DLG2: variants seen among roughly 807,000 people sequenced by gnomAD.
DLG2 encodes the protein discs large MAGUK scaffold protein 2.
Under a neutral mutation model 132.5 loss-of-function variants are expected in DLG2, and 45 were observed. The ratio of observed to expected loss-of-function variants is 0.34; its 90% CI spans 0.27 to 0.44. DLG2 has a LOEUF of 0.44. Ranked by LOEUF, DLG2 falls within the 20% of genes least tolerant of loss-of-function variation. The pLI, the probability that DLG2 is intolerant of heterozygous loss-of-function variation, is 1.00. For synonymous variants in DLG2, 424 were observed against 419.6 expected (o/e 1.01, Z -0.13); for missense variants, 1,045 against 1,196.9 (o/e 0.87, Z 1.87).
At chr11:84,621,840 G>C (rs930946757) in intron 6 of DLG2, among the ~76,000 whole-genome samples, 4 of 152,098 alleles carry the variant, frequency 2.6e-5, no homozygotes, top group Non-Finnish European at 5.9e-5. Flanking sequence ...AGGGTGGCAG[G>C]AGGGATTTAT....
intron 4 of DLG2, among the ~76,000 whole-genome samples, chr11:85,270,416 C>T (rs149205746): frequency 1.6e-4 from 24 of 152,250 alleles, no homozygotes; most frequent in African/African-American, 4.8e-4. Flanking sequence ...TTGTCAATTG[C>T]CCAGTGTCTG....
chr11:85,020,905 C>G, intron 6 of DLG2: 1 of 769,396 alleles, frequency 1.3e-6, no homozygotes, highest in Non-Finnish European at 2.4e-6. Flanking sequence ...GCATCCCCCT[C>G]CTCAGCAGGG....
At chr11:83,772,434 GA>G (rs1449619767) in intron 18 of DLG2, among the ~76,000 whole-genome samples, 2 of 75,888 alleles carry the variant, frequency 2.6e-5, no homozygotes, top group Non-Finnish European at 4.9e-5. Context: ...GAAAAGAAAA[GA>G]AAAAAAAAGA....
At chr11:84,772,432 T>A (rs930447990) in intron 6 of DLG2, among the ~76,000 whole-genome samples, 1 of 152,126 alleles carries the variant, frequency 6.6e-6, no homozygotes, top group Non-Finnish European at 1.5e-5. Flanking sequence ...AATTTGACAC[T>A]TGACAAGCTG....
chr11:84,853,320 A>G (rs2154023646), intron 6 of DLG2, among the ~76,000 whole-genome samples: 1 of 152,150 alleles, frequency 6.6e-6, no homozygotes, highest in African/African-American at 2.4e-5. Flanking sequence ...AAGAGATAAT[A>G]TAACGTGAAA....
intron 22 of DLG2, among the ~76,000 whole-genome samples, chr11:83,475,161 C>G (rs975719601): frequency 2.0e-5 from 3 of 152,080 alleles, no homozygotes; most frequent in Non-Finnish European, 2.9e-5. Flanking sequence ...GTGGGGAAAC[C>G]CGTGGAGGTG....
chr11:85,566,190 T>C (rs1472329555), intron 3 of DLG2, among the ~76,000 whole-genome samples: 8 of 152,198 alleles, frequency 5.3e-5, no homozygotes. Flanking sequence ...CAATTTTTAA[T>C]TGGGTTGTCT....
At chr11:85,266,621 A>C (rs1006383741) in intron 4 of DLG2, among the ~76,000 whole-genome samples, 2 of 152,176 alleles carry the variant, frequency 1.3e-5, no homozygotes, top group Admixed American at 6.5e-5. Flanking sequence ...AAAAAAAAAG[A>C]AAGAAAGAAA....
intron 4 of DLG2, among the ~76,000 whole-genome samples, chr11:85,224,166 T>C (rs2074834325): frequency 6.6e-6 from 1 of 152,144 alleles, no homozygotes; most frequent in South Asian, 2.1e-4. Context: ...TCTGAGATTA[T>C]TATGCTGCTA....
chr11:85,152,126 C>A (rs1427662191), intron 5 of DLG2, among the ~76,000 whole-genome samples: 1 of 151,990 alleles, frequency 6.6e-6, no homozygotes, highest in Non-Finnish European at 1.5e-5. Flanking sequence ...TATAAATATA[C>A]ACTATAGCCT....
intron 12 of DLG2, among the ~76,000 whole-genome samples, chr11:83,966,024 C>T (rs1009274203): frequency 2.2e-4 from 34 of 151,938 alleles, no homozygotes; most frequent in Non-Finnish European, 2.1e-4. Context: ...TTCTTACTAG[C>T]GCATGTTTAG....
rs149923177 is a variant in DLG2 at position 84,503,574 on chromosome 11, A to G, written c.519+30996T>C. 3.9e-3 allele frequency among the ~76,000 whole-genome samples: 590 copies of G among 152,270 alleles called. 3 individuals are homozygous for G. Among genetic ancestry groups the G allele is most frequent in the African/African-American group, 0.013 (543 of 41,542 alleles). On this transcript the variant is annotated intron_variant, in intron 7 of 27. Coordinates refer to ENST00000376104, the MANE Select transcript of DLG2 (RefSeq NM_001142699.3). ...GTGCCACAGACATTTTCATAGGAAC[A>G]GGTGAGTTGAGAGACCTCTGTGGCC...
rs138278275 is a variant in DLG2, at chr11:84,548,672, G to A, written c.358-13941C>T. ...ATATGTGCCACATTTTCTTAATCCC[G>A]TCTATCATTATTGGACATTTGGGTT... On this transcript the variant is annotated intron_variant, in intron 6 of 27. Coordinates refer to ENST00000376104, the MANE Select transcript of DLG2 (RefSeq NM_001142699.3). Among the ~76,000 whole-genome samples the A allele has an allele frequency of 7.2e-3, 1,100 of 152,102 alleles. 11 individuals carry two copies. The highest frequency in any genetic ancestry group is 0.01 in the Middle Eastern group (3 of 294).
intron 3 of DLG2, among the ~76,000 whole-genome samples, chr11:85,486,582 A>G (rs540983887): frequency 6.6e-6 from 1 of 152,276 alleles, no homozygotes; most frequent in Admixed American, 6.5e-5. Flanking sequence ...ATTTGAGGTC[A>G]GGCTGACCCA....
intron 17 of DLG2, among the ~76,000 whole-genome samples, chr11:83,811,690 T>A (rs1429171733): frequency 6.6e-6 from 1 of 152,118 alleles, no homozygotes; most frequent in African/African-American, 2.4e-5. Flanking sequence ...AATTTTAGCC[T>A]CAGGAAATGT....
chr11:85,335,009 T>A (rs991635021), intron 3 of DLG2, among the ~76,000 whole-genome samples: 1 of 152,170 alleles, frequency 6.6e-6, no homozygotes, highest in African/African-American at 2.4e-5. Context: ...TCTAATACTG[T>A]CAATGGGGTA....
chr11:85,148,557 G>A (rs575402103), intron 5 of DLG2, among the ~76,000 whole-genome samples: 1 of 152,028 alleles, frequency 6.6e-6, no homozygotes, highest in East Asian at 1.9e-4. Flanking sequence ...TCGTATTTTG[G>A]GAAGTGTCTG....
intron 6 of DLG2, among the ~76,000 whole-genome samples, chr11:84,637,218 C>T (rs998969813): frequency 1.3e-5 from 2 of 152,232 alleles, no homozygotes; most frequent in African/African-American, 2.4e-5. Context: ...AAGGCCACCT[C>T]GAGAAGTTTA....
At chr11:84,442,141 T>C (rs1482061221) in intron 7 of DLG2, among the ~76,000 whole-genome samples, 3 of 152,182 alleles carry the variant, frequency 2.0e-5, no homozygotes, top group African/African-American at 7.2e-5. Flanking sequence ...GTAGTTTTTT[T>C]CTGATTCTGT....
Sources: allele counts gnomAD v4.1 joint callset (sites outside exome capture counted in the v4.1 genomes callset), GRCh38; gene constraint gnomAD v4.1.1; transcripts MANE v1.5; gene names NCBI Gene and HGNC (gene_info 2026-07-23, HGNC 2026-07-21).